The following SLMAP variants were observed in gnomAD, a reference collection of about 807,000 sequenced individuals.
The protein encoded by SLMAP is sarcolemmal membrane-associated protein.
SLMAP carries 44 observed loss-of-function variants against 128.8 expected under a neutral mutation model. The observed-to-expected ratio is 0.34, with a 90% confidence interval of 0.27 to 0.44. SLMAP has a LOEUF of 0.44. Ranked by LOEUF, SLMAP falls within the 20% of genes least tolerant of loss-of-function variation. The probability of loss-of-function intolerance (pLI) is 1.00; values close to 1 mark genes in which losing one functional copy is unlikely to be tolerated. For missense variants in SLMAP, 787 were observed against 985.3 expected (o/e 0.80, Z 2.69); for synonymous variants, 327 against 348.8 (o/e 0.94, Z 0.70).
At chr3:57,851,557 C>A (rs180687192) in intron 6 of SLMAP, among the ~76,000 whole-genome samples, 1 of 151,772 alleles carries the variant, frequency 6.6e-6, no homozygotes, top group East Asian at 1.9e-4. Flanking sequence ...ATTGCAACCT[C>A]CACCTCCCGG....
chr3:57,846,973 G>T (rs2094287851), intron 4 of SLMAP, among the ~76,000 whole-genome samples: 1 of 152,068 alleles, frequency 6.6e-6, no homozygotes, highest in African/African-American at 2.4e-5. Flanking sequence ...TTTTGGATTT[G>T]GAATTTGTTT....
intron 22 of SLMAP, chr3:57,918,078 A>G (rs2096848098): frequency 6.6e-6 from 1 of 152,028 alleles, no homozygotes; most frequent in Non-Finnish European, 1.5e-5. Context: ...ATACTGTAAC[A>G]TTTTTTATTT....
chr3:57,789,618 G>C (rs914146651), intron 2 of SLMAP, among the ~76,000 whole-genome samples: 2 of 152,120 alleles, frequency 1.3e-5, no homozygotes, highest in Non-Finnish European at 2.9e-5. Context: ...CTAGAAGAGA[G>C]TTCATAAGCC....
intron 2 of SLMAP, among the ~76,000 whole-genome samples, chr3:57,783,241 T>A (rs1185842139): frequency 6.6e-6 from 1 of 152,164 alleles, no homozygotes; most frequent in Non-Finnish European, 1.5e-5. Context: ...TATCAAAAAA[T>A]CTGAAAACCT....
intron 2 of SLMAP, among the ~76,000 whole-genome samples, chr3:57,760,005 C>T (rs2078296735): frequency 6.6e-6 from 1 of 152,016 alleles, no homozygotes; most frequent in Non-Finnish European, 1.5e-5. Flanking sequence ...AGTGGCGCAA[C>T]CTCAGCTCAC....
chr3:57,867,297 G>A (rs1421703455), intron 13 of SLMAP, among the ~76,000 whole-genome samples: 4 of 152,122 alleles, frequency 2.6e-5, no homozygotes, highest in African/African-American at 4.8e-5. Context: ...TAAGAGAATC[G>A]TTTTATGTAC....
At chr3:57,853,740 A>G (rs958636142) in intron 6 of SLMAP, among the ~76,000 whole-genome samples, 1 of 151,418 alleles carries the variant, frequency 6.6e-6, no homozygotes, top group African/African-American at 2.4e-5. Context: ...CAGGAGTTCG[A>G]GACCAGCCTG....
intron 2 of SLMAP, among the ~76,000 whole-genome samples, chr3:57,773,648 T>C (rs2081300151): frequency 6.6e-6 from 1 of 152,218 alleles, no homozygotes; most frequent in Admixed American, 6.6e-5. Context: ...TAAACTAGTA[T>C]GTCCTAAGGT....
At chr3:57,853,954 A>ATT (rs1553880876) in intron 6 of SLMAP, among the ~76,000 whole-genome samples, 114 of 40,606 alleles carry the variant, frequency 2.8e-3, no homozygotes, top group Non-Finnish European at 3.4e-3. Context: ...AAAAAAAAAA[A>ATT]TTATATATAT....
chr3:57,880,710 T>C (rs1286964744), intron 14 of SLMAP, among the ~76,000 whole-genome samples: 1 of 151,730 alleles, frequency 6.6e-6, no homozygotes, highest in Non-Finnish European at 1.5e-5. Context: ...AGACCATGTC[T>C]CTACAAAAAT....
At chr3:57,842,346 CT>C (rs995867088) in intron 4 of SLMAP, among the ~76,000 whole-genome samples, 10 of 150,144 alleles carry the variant, frequency 6.7e-5, no homozygotes, top group South Asian at 2.1e-4. Context: ...TCTTTTTTTC[CT>C]TTTTTTTTGT....
intron 2 of SLMAP, among the ~76,000 whole-genome samples, chr3:57,760,336 A>G (rs1393757222): frequency 6.6e-6 from 1 of 152,232 alleles, no homozygotes; most frequent in Non-Finnish European, 1.5e-5. Context: ...TAGCTAAAAT[A>G]ACACGCAGGC....
intron 2 of SLMAP, among the ~76,000 whole-genome samples, chr3:57,801,779 G>A (rs993926079): frequency 6.6e-6 from 1 of 151,360 alleles, no homozygotes; most frequent in African/African-American, 2.4e-5. Flanking sequence ...ATGCTCTCTT[G>A]GTATGCCTTG....
intron 2 of SLMAP, among the ~76,000 whole-genome samples, chr3:57,765,275 G>A (rs2079452846): frequency 6.6e-6 from 1 of 152,142 alleles, no homozygotes; most frequent in Non-Finnish European, 1.5e-5. Flanking sequence ...GGTGCATCAG[G>A]TCTGTAGCCC....
At chr3:57,883,834 A>G (rs554010026) in intron 14 of SLMAP, among the ~76,000 whole-genome samples, 1 of 152,186 alleles carries the variant, frequency 6.6e-6, no homozygotes, top group Non-Finnish European at 1.5e-5. Context: ...AATACCTGTC[A>G]GGTAGGGCAG....
Position 57,890,158 on chromosome 3 carries a change from G to A in SLMAP, c.1360+58G>A, listed in dbSNP as rs2096020582. 3.9e-6 allele frequency: 6 copies of A among 1,542,346 alleles called. No individual in the cohort carries two copies. In the African/African-American group the frequency reaches 4.1e-5, roughly 11 times the overall value. Reference sequence around the variant, plus strand: ...GTTCTTTTGGATAATGAAGGTTAGTGTATATTTTCAAGGTTATAGTATTTT... The same window carrying A: ...GTTCTTTTGGATAATGAAGGTTAGTATATATTTTCAAGGTTATAGTATTTT... On this transcript the variant is annotated intron_variant, in intron 15 of 24. Coordinates refer to ENST00000671191, the MANE Select transcript of SLMAP (RefSeq NM_001377540.1).
chr3:57,835,377 T>C (rs910363016), intron 3 of SLMAP, among the ~76,000 whole-genome samples: 16 of 152,068 alleles, frequency 1.1e-4, no homozygotes, highest in Non-Finnish European at 1.6e-4. Context: ...TCACTTCACT[T>C]GAGCCCAGGA....
intron 17 of SLMAP, among the ~76,000 whole-genome samples, chr3:57,905,635 A>G (rs980727033): frequency 6.6e-6 from 1 of 152,130 alleles, no homozygotes; most frequent in African/African-American, 2.4e-5. Flanking sequence ...CTTCTTCAAC[A>G]GTGAGAAAAG....
rs575283441 is a variant in SLMAP at position 57,866,796 on chromosome 3, A to G, written c.1237+1504A>G. ...CTACTCAGGAGGCTGAGGTGGGAGG[A>G]TCACTTGAGCCCAGGAGGTCGAGGC... On this transcript the variant is annotated intron_variant, in intron 13 of 24. Transcript: ENST00000671191. Among the ~76,000 whole-genome samples, 50 of 152,012 alleles carry G rather than the reference A, an allele frequency of 3.3e-4. No homozygotes were observed. The South Asian group carries it at 5.0e-3, about 15-fold the overall frequency.
Sources: allele counts gnomAD v4.1 joint callset (sites outside exome capture counted in the v4.1 genomes callset), GRCh38; gene constraint gnomAD v4.1.1; transcripts MANE v1.5; gene names NCBI Gene and HGNC (gene_info 2026-07-23, HGNC 2026-07-21).